DOP1B: variants seen among roughly 807,000 people sequenced by gnomAD.
DOP1B encodes protein DOP1B.
In DOP1B, 174 loss-of-function variants were observed where a neutral mutation model predicts 233.5. The observed-to-expected ratio is 0.75, with a 90% CI of 0.66 to 0.85. The LOEUF (loss-of-function observed/expected upper bound fraction) is 0.85. Ranked by LOEUF, DOP1B falls within the 40% of genes least tolerant of loss-of-function variation. DOP1B has a pLI of 0.00. For synonymous variants in DOP1B, 1,190 were observed against 1,185.6 expected (o/e 1.00, Z -0.08); for missense variants, 2,652 against 2,846.6 (o/e 0.93, Z 1.56).
intron 27 of DOP1B, among the ~76,000 whole-genome samples, chr21:36,275,955 G>A (rs1402097744): frequency 6.6e-6 from 1 of 152,110 alleles, no homozygotes; most frequent in East Asian, 1.9e-4. Flanking sequence ...CTGGAAAGCT[G>A]TCCTAGGATG....
chr21:36,278,110 C>T (rs1445376493), intron 29 of DOP1B, 26 bp downstream of exon 29: 9 of 1,612,812 alleles, frequency 5.6e-6, no homozygotes, highest in Non-Finnish European at 7.6e-6. Flanking sequence ...CCATTTCTTC[C>T]CACCCATATG....
At chr21:36,185,649 G>A (rs1338820823) in intron 2 of DOP1B, among the ~76,000 whole-genome samples, 2 of 152,210 alleles carry the variant, frequency 1.3e-5, no homozygotes, top group East Asian at 3.8e-4. Flanking sequence ...TGTCAGGGAA[G>A]GCTGAGGAAG....
chr21:36,279,541 A>G (rs1184913474), intron 30 of DOP1B, among the ~76,000 whole-genome samples: 2 of 152,210 alleles, frequency 1.3e-5, no homozygotes, highest in African/African-American at 2.4e-5. Context: ...GGCCACCCCC[A>G]GAGGGCTGCT....
At chr21:36,161,865 G>A (rs757142763) in intron 1 of DOP1B, among the ~76,000 whole-genome samples, 1 of 152,166 alleles carries the variant, frequency 6.6e-6, no homozygotes, top group Non-Finnish European at 1.5e-5. Flanking sequence ...ACAATGTCTG[G>A]TCTTGTGTGT....
rs952056127 is a variant in DOP1B at position 36,165,736 on chromosome 21, G to A, written c.138+865G>A. On this transcript the variant is annotated intron_variant, in intron 2 of 36. Coordinates refer to ENST00000691173, the MANE Select transcript of DOP1B (RefSeq NM_001320714.2). ...GGAGAATCTTTTTTTTTTTTTTTTTGAGACAGTCTCACTCTGTTGCCCAGG... is the reference window on the plus strand; with the variant it reads ...GGAGAATCTTTTTTTTTTTTTTTTTAAGACAGTCTCACTCTGTTGCCCAGG... 8.0e-5 allele frequency among the ~76,000 whole-genome samples: 5 copies of A among 62,796 alleles called. No individual in the cohort carries two copies. In the East Asian group the frequency reaches 1.9e-3, roughly 23 times the overall value. The allele number at this position is 62,796 out of a possible 152,430, so 41.2% of individuals were successfully genotyped here. A position where few individuals can be genotyped will look rare whatever the true frequency, so the allele number is the denominator to read the frequency against.
At chr21:36,204,925 G>C (rs1214460308) in intron 4 of DOP1B, among the ~76,000 whole-genome samples, 1 of 152,182 alleles carries the variant, frequency 6.6e-6, no homozygotes, top group Non-Finnish European at 1.5e-5. Flanking sequence ...AAAGTGCTGG[G>C]ATTACAGGCG....
At chr21:36,254,234 C>T (rs555082577) in intron 23 of DOP1B, among the ~76,000 whole-genome samples, 5 of 152,186 alleles carry the variant, frequency 3.3e-5, no homozygotes, top group Admixed American at 2.6e-4. Flanking sequence ...GGAAATGGCA[C>T]CTGCCTCAAG....
chr21:36,214,596 A>C (rs905538199), intron 9 of DOP1B, 40 bp downstream of exon 9: 2 of 1,534,642 alleles, frequency 1.3e-6, no homozygotes, highest in African/African-American at 2.7e-5. Flanking sequence ...TGCTGAATAC[A>C]GATTACCTGT....
intron 27 of DOP1B, among the ~76,000 whole-genome samples, chr21:36,271,125 TAA>T (rs79382444): frequency 2.1e-4 from 29 of 138,318 alleles, no homozygotes; most frequent in Admixed American, 2.9e-4. Context: ...GTTGGAAAGT[TAA>T]AAAAAAAAAA....
rs756950440 is a variant in DOP1B, at chr21:36,248,539, T to C, written c.4969T>C (p.Ser1657Pro). 6.8e-6 allele frequency: 11 copies of C among 1,611,274 alleles called. No homozygotes were observed. The highest frequency in any genetic ancestry group is 9.3e-6 in the Non-Finnish European group (11 of 1,179,234). The change falls in exon 21 of 37, where the codon TCC becomes CCC. Residue 1657 changes from serine (S) to proline (P), a missense_variant. By Grantham distance (74) the Ser-to-Pro change is moderately conservative (BLOSUM62 -1). Coordinates refer to ENST00000691173, the MANE Select transcript of DOP1B (RefSeq NM_001320714.2). Reference protein sequence around the residue: ...PVDLLGATKGSSSVYFKTTKT... With the variant: ...PVDLLGATKGPSSVYFKTTKT... ...CGATCTCCTAGGGGCCACGAAGGGA[T>C]CCTCTTCCGTTTACTTTAAAACCAC... is the stretch of plus-strand genomic sequence containing the variant.
rs748905664 is a variant in DOP1B, at chr21:36,227,755, G to A, written c.1543G>A (p.Glu515Lys). ...VLGCLVQPLAEDMEALSLPEL... is the reference protein window; with the variant it reads ...VLGCLVQPLAKDMEALSLPEL... The stretch of plus-strand genomic sequence containing the variant: ...CGGCTGCCTGGTGCAGCCTCTTGCT[G>A]AGGACATGGAGGCCTTAAGTTTACC... Residue 515 changes from glutamate to lysine, a missense_variant, in exon 13 of 37, where the codon GAG (glutamate) becomes AAG (lysine). Around this residue, in one of 3 missense-constraint regions of DOP1B, gnomAD observed 2,617 missense variants for 2,794.3 expected, o/e 0.94. Coordinates refer to ENST00000691173, the MANE Select transcript of DOP1B (RefSeq NM_001320714.2). The A allele has an allele frequency of 6.2e-7, 1 of 1,613,022 alleles. No individual in the cohort carries two copies. Among genetic ancestry groups the A allele is most frequent in the South Asian group, 1.1e-5 (1 of 91,020 alleles).
At chr21:36,232,287 T>G (rs568974752) in intron 14 of DOP1B, among the ~76,000 whole-genome samples, 8 of 152,282 alleles carry the variant, frequency 5.3e-5, no homozygotes, top group African/African-American at 1.9e-4. Context: ...CTGGCCAATA[T>G]TTTATATATT....
chr21:36,240,027 T>C (rs2066875662), intron 18 of DOP1B, 72 bp downstream of exon 18: 2 of 1,470,782 alleles, frequency 1.4e-6, no homozygotes, highest in Non-Finnish European at 9.0e-7. Flanking sequence ...CAGTGATAGC[T>C]GAGAGACTGA....
chr21:36,220,567 C>G (rs1260669713), intron 10 of DOP1B, among the ~76,000 whole-genome samples: 1 of 152,082 alleles, frequency 6.6e-6, no homozygotes, highest in Non-Finnish European at 1.5e-5. Context: ...GTGGCGTGAA[C>G]ATGGCTCTCT....
Position 36,248,551 on chromosome 21 carries a change from T to C in DOP1B, c.4981T>C (p.Tyr1661His). 1 of 1,609,418 alleles carries C rather than the reference T, an allele frequency of 6.2e-7. No homozygotes were observed. The highest frequency in any genetic ancestry group is 8.5e-7 in the Non-Finnish European group (1 of 1,178,344). The stretch of plus-strand genomic sequence containing the variant: ...GGCCACGAAGGGATCCTCTTCCGTT[T>C]ACTTTAAAACCACCAAAGTAAGAGG... ...LGATKGSSSV[Y>H]FKTTKTIRQK... is the part of the protein sequence containing the mutation. Residue 1661 changes from tyrosine (Y) to histidine (H), a missense_variant, in exon 21 of 37, where the codon TAC becomes CAC. By Grantham distance (83) the Tyr-to-His change is moderately conservative (BLOSUM62 2). Coordinates refer to ENST00000691173, the MANE Select transcript of DOP1B (RefSeq NM_001320714.2).
chr21:36,177,625 T>G (rs903698770), intron 2 of DOP1B, among the ~76,000 whole-genome samples: 3 of 152,186 alleles, frequency 2.0e-5, no homozygotes, highest in African/African-American at 7.2e-5. Flanking sequence ...AATGAGTTAC[T>G]CGACGTATGG....
chr21:36,169,846 T>C, intron 2 of DOP1B: 1 of 902,076 alleles, frequency 1.1e-6, no homozygotes, highest in Non-Finnish European at 1.9e-6. Flanking sequence ...TTTGCACTCA[T>C]CGTTGATGTG....
At chr21:36,243,519 C>T (rs1013538818) in intron 18 of DOP1B, among the ~76,000 whole-genome samples, 1 of 151,938 alleles carries the variant, frequency 6.6e-6, no homozygotes, top group African/African-American at 2.4e-5. Context: ...ACATAAAAAC[C>T]TAAGTGGAAG....
chr21:36,176,801 G>GT (rs971898350), intron 2 of DOP1B, among the ~76,000 whole-genome samples: 1 of 151,770 alleles, frequency 6.6e-6, no homozygotes, highest in South Asian at 2.1e-4. Context: ...TCCAACTCCC[G>GT]TTTTTTTCCC....
Sources: gnomAD v4.1 joint callset for allele counts (sites outside exome capture counted in the v4.1 genomes callset) on GRCh38, gnomAD v4.1.1 for gene constraint, gnomAD v4.1.1 regional missense constraint, MANE v1.5 for transcripts, NCBI Gene and HGNC (gene_info 2026-07-23, HGNC 2026-07-21) for gene names.